NIPAL2: variants seen among roughly 807,000 people sequenced by gnomAD.
NIPAL2 encodes the protein NIPA-like protein 2.
NIPAL2 carries 43 observed loss-of-function variants against 48.9 expected under a neutral mutation model. The observed-to-expected ratio is 0.88, with a 90% confidence interval of 0.69 to 1.13. NIPAL2 has a LOEUF of 1.13. NIPAL2 is among the 50% of genes most tolerant of loss of function. NIPAL2 has a pLI of 0.00. For synonymous variants in NIPAL2, 167 were observed against 174.6 expected, an observed-to-expected ratio of 0.96 and a Z score of 0.34; for missense variants, 446 against 461.4, an observed-to-expected ratio of 0.97 and a Z score of 0.31.
intron 9 of NIPAL2, among the ~76,000 whole-genome samples, chr8:98,195,535 A>G (rs1289810162): frequency 1.3e-5 from 2 of 152,254 alleles, no homozygotes; most frequent in African/African-American, 4.8e-5. Context: ...TATTATCATG[A>G]CTAAAGCAAG....
At chr8:98,220,236 G>C (rs1054777378) in intron 5 of NIPAL2, among the ~76,000 whole-genome samples, 1 of 152,084 alleles carries the variant, frequency 6.6e-6, no homozygotes, top group Non-Finnish European at 1.5e-5. Flanking sequence ...CCTGTACTTA[G>C]AGCAAAATTT....
chr8:98,237,286 A>C (rs912891254), intron 3 of NIPAL2, among the ~76,000 whole-genome samples: 2 of 152,034 alleles, frequency 1.3e-5, no homozygotes, highest in Admixed American at 6.6e-5. Context: ...TCCTGGGCTC[A>C]AGTGATCCTC....
In NIPAL2 at chr8:98,275,618, A is replaced by T. The variant is rs553988592; in HGVS notation, c.135+18385T>A. Among the ~76,000 whole-genome samples the T allele has an allele frequency of 1.1e-4, 17 of 152,304 alleles. No homozygotes were observed. In the South Asian group the frequency reaches 3.1e-3, roughly 28 times the overall value. On this transcript the variant is annotated intron_variant, in intron 1 of 10. Transcript: ENST00000430223. ...CTTCATTTTCTGGGATAAATGCCCG[A>T]AAGTGTAATTGCTGGTTTGTGTGGT...
chr8:98,194,788 T>C lies in NIPAL2; in HGVS notation c.979A>G (p.Thr327Ala). The part of the protein sequence containing the change: ...FLSFLGVFLV[T>A]RNREKEHLQQ... Reference sequence around the variant, plus strand: ...AGATGTTCCTTTTCTCGATTTCTTGTGACCAAAAATACACCAAGGAATGAC... The same window carrying C: ...AGATGTTCCTTTTCTCGATTTCTTGCGACCAAAAATACACCAAGGAATGAC... The change falls in exon 10 of 11, where the codon ACA becomes GCA. Residue 327 changes from threonine (T) to alanine (A), a missense_variant. Transcript: ENST00000430223. 3 of 1,574,298 alleles carry C rather than the reference T, an allele frequency of 1.9e-6. No homozygotes were observed. The highest frequency in any genetic ancestry group is 2.6e-6 in the Non-Finnish European group (3 of 1,164,792).
chr8:98,274,915 C>A (rs369266310), intron 1 of NIPAL2, among the ~76,000 whole-genome samples: 3 of 152,192 alleles, frequency 2.0e-5, no homozygotes, highest in African/African-American at 7.2e-5. Flanking sequence ...TGCTCTCACT[C>A]TTCTGGTTAG....
In NIPAL2 at chr8:98,191,459, A is replaced by T. The variant is rs1264758106; in HGVS notation, c.*1519T>A. On this transcript the variant is annotated 3_prime_UTR_variant, in exon 11 of 11. Coordinates refer to ENST00000430223, the MANE Select transcript of NIPAL2 (RefSeq NM_001321635.2). The stretch of plus-strand genomic sequence containing the variant: ...TGTATTTTTCATACATTGGTGATCA[A>T]TTCAAATCTCTTTCCTTTGCAGCCA... 1.4e-5 allele frequency: 2 copies of T among 144,888 alleles called. No individual in the cohort carries two copies. The highest frequency in any genetic ancestry group is 5.0e-5 in the African/African-American group (2 of 40,342). 9.0% of individuals were successfully genotyped at this position (144,888 alleles called of 1,614,324 possible). A position where few individuals can be genotyped will look rare whatever the true frequency, so the allele number is the denominator to read the frequency against.
chr8:98,293,272 T>C lies in NIPAL2; in HGVS notation c.135+731A>G, dbSNP rs35241259. ...GGAATCCACCGTGATAAAACTTAGTTGCAATATGAACGCTGCTAGAGGAAG... is the reference window on the plus strand; with the variant it reads ...GGAATCCACCGTGATAAAACTTAGTCGCAATATGAACGCTGCTAGAGGAAG... On this transcript the variant is annotated intron_variant, in intron 1 of 10. Transcript: ENST00000430223. Among the ~76,000 whole-genome samples the C allele has an allele frequency of 6.5e-3, 983 of 152,298 alleles. 6 individuals carry two copies. The highest frequency in any genetic ancestry group is 0.012 in the Admixed American group (182 of 15,294).
intron 6 of NIPAL2, among the ~76,000 whole-genome samples, chr8:98,207,176 C>T (rs1434111149): frequency 1.3e-5 from 2 of 152,152 alleles, no homozygotes; most frequent in Non-Finnish European, 2.9e-5. Context: ...GCCTCAGAAC[C>T]TCAGAATTGC....
chr8:98,280,761 T>TATATATATATATATATAGAGAGAGAG, intron 1 of NIPAL2, among the ~76,000 whole-genome samples: 35 of 29,994 alleles, frequency 1.2e-3, no homozygotes, highest in African/African-American at 2.4e-3. Context: ...TATATATATA[T>TATATATATATATATATAGAGAGAGAG]AGAGAGAGAG....
At chr8:98,249,485 CAT>C (rs980636075) in intron 3 of NIPAL2, among the ~76,000 whole-genome samples, 10 of 151,340 alleles carry the variant, frequency 6.6e-5, no homozygotes, top group African/African-American at 9.7e-5. Flanking sequence ...AGACATATGT[CAT>C]ATATGACATA....
chr8:98,283,082 A>C (rs923005132), intron 1 of NIPAL2, among the ~76,000 whole-genome samples: 2 of 152,192 alleles, frequency 1.3e-5, no homozygotes, highest in African/African-American at 2.4e-5. Context: ...TTTTTAATCA[A>C]CCTTAAAGCC....
chr8:98,242,422 A>T (rs533806974), intron 3 of NIPAL2, among the ~76,000 whole-genome samples: 2 of 150,766 alleles, frequency 1.3e-5, no homozygotes, highest in Admixed American at 1.3e-4. Flanking sequence ...TCTGGGCTCA[A>T]TTGATTCTCC....
At chr8:98,221,360 G>A (rs1811868320) in intron 5 of NIPAL2, among the ~76,000 whole-genome samples, 1 of 120,186 alleles carries the variant, frequency 8.3e-6, no homozygotes, top group South Asian at 3.1e-4. Flanking sequence ...ATCTCAACAA[G>A]GACTTTTTTT....
intron 7 of NIPAL2, 95 bp downstream of exon 7, chr8:98,205,016 T>G (rs1810962318): frequency 7.5e-7 from 1 of 1,332,426 alleles, no homozygotes; most frequent in South Asian, 1.2e-5. Flanking sequence ...ATCAGTTGTA[T>G]CTCATTTTAA....
chr8:98,268,314 TACC>T (rs2130871298), intron 1 of NIPAL2, among the ~76,000 whole-genome samples: 1 of 152,182 alleles, frequency 6.6e-6, no homozygotes, highest in Non-Finnish European at 1.5e-5. Flanking sequence ...GTCCAATAAT[TACC>T]ACGAGTTCAA....
At chr8:98,208,848 T>C (rs1390213204) in intron 6 of NIPAL2, among the ~76,000 whole-genome samples, 1 of 152,170 alleles carries the variant, frequency 6.6e-6, no homozygotes, top group African/African-American at 2.4e-5. Context: ...ATTTTCTTTT[T>C]TTTAATTCCA....
rs754692013 is a variant in NIPAL2 at position 98,294,038 on chromosome 8, C to A, written c.100G>T (p.Gly34Cys). Residue 34 changes from glycine (G) to cysteine (C), a missense_variant, in exon 1 of 11, where the codon GGC (glycine) becomes TGC (cysteine). By Grantham distance (159) the Gly-to-Cys change is radical (BLOSUM62 -3). Coordinates refer to ENST00000430223, the MANE Select transcript of NIPAL2 (RefSeq NM_001321635.2). ...CGGTACCAGTCGCCCGAGAGGGAGC[C>A]GTTGCCGGCGCCTGGTGCCCCGTAC... ...FTYGAPGAGN[G>C]SLSGDWYRRN... The A allele has an allele frequency of 1.7e-5, 26 of 1,497,232 alleles. No homozygotes were observed. In the African/African-American group the frequency reaches 3.6e-4, roughly 21 times the overall value. 92.7% of individuals were successfully genotyped at this position (1,497,232 alleles called of 1,614,324 possible). A position where few individuals can be genotyped will look rare whatever the true frequency, so the allele number is the denominator to read the frequency against.
chr8:98,286,828 A>C (rs1487743621), intron 1 of NIPAL2, among the ~76,000 whole-genome samples: 41 of 149,600 alleles, frequency 2.7e-4, no homozygotes, highest in East Asian at 1.6e-3. Context: ...AAAAAAAAAA[A>C]AAAAAACCAA....
chr8:98,197,218 AT>A (rs1810592034), intron 8 of NIPAL2, among the ~76,000 whole-genome samples: 1 of 152,106 alleles, frequency 6.6e-6, no homozygotes, highest in Non-Finnish European at 1.5e-5. Context: ...GTCACACTAA[AT>A]TTTTGGTTTC....
Sources: gnomAD v4.1 joint callset for allele counts (sites outside exome capture counted in the v4.1 genomes callset) on GRCh38, gnomAD v4.1.1 for gene constraint, MANE v1.5 for transcripts, NCBI Gene and HGNC (gene_info 2026-07-23, HGNC 2026-07-21) for gene names.